The following ANKS6 variants were observed in gnomAD, a reference collection of about 807,000 sequenced individuals.
ANKS6 encodes ankyrin repeat and sterile alpha motif domain containing 6.
In ANKS6, 47 loss-of-function variants were observed where a neutral mutation model predicts 77.9. The observed-to-expected ratio is 0.60, with a 90% confidence interval of 0.48 to 0.77. The LOEUF (loss-of-function observed/expected upper bound fraction) is 0.77, where lower values mean the gene tolerates loss of function less well. ANKS6 is among the 30% of genes least tolerant of loss of function. ANKS6 has a pLI of 0.00. For synonymous variants in ANKS6, 488 were observed against 501.7 expected, an observed-to-expected ratio of 0.97 and a Z score of 0.37; for missense variants, 1,150 against 1,159.1, an observed-to-expected ratio of 0.99 and a Z score of 0.11.
rs1835177064 is a variant in ANKS6, at chr9:98,796,354, G to C, written c.138C>G (p.Gly46=). 2 of 1,131,648 alleles carry C rather than the reference G, an allele frequency of 1.8e-6. No individual in the cohort carries two copies. The highest frequency in any genetic ancestry group is 5.0e-5 in the Admixed American group (1 of 20,112). 70.1% of individuals were successfully genotyped at this position (1,131,648 alleles called of 1,614,324 possible). A position where few individuals can be genotyped will look rare whatever the true frequency, so the allele number is the denominator to read the frequency against. Residue 46 remains glycine (G), a synonymous_variant, in exon 1 of 15, where the codon GGC becomes GGG. Coordinates refer to ENST00000353234, the MANE Select transcript of ANKS6 (RefSeq NM_173551.5). ...CCACCTCGGCCCCCGCCGGCTCCGC[G>C]CCCGCCTCCGGCTCCGCGCCGCGCT... is the stretch of plus-strand genomic sequence containing the variant. The part of the protein sequence containing the change: ...PAERGAEPEA[G]AEPAGAEVAG...
At position 98,790,309 on chromosome 9, in the gene ANKS6, G is replaced by A. The variant is rs374878706; in HGVS notation, c.657C>T (p.His219=). The A allele has an allele frequency of 1.2e-5, 19 of 1,607,442 alleles. No homozygotes were observed. Among genetic ancestry groups the A allele is most frequent in the South Asian group, 5.5e-5 (5 of 90,990 alleles). The change falls in exon 2 of 15, where the codon CAC becomes CAT. Residue 219 remains histidine, a synonymous_variant. Coordinates refer to ENST00000353234, the MANE Select transcript of ANKS6 (RefSeq NM_173551.5). ...LLMEWGADPN[H]AARTVGWSPL... ...GGCTCCAGCCCACGGTCCGGGCTGC[G>A]TGGTTGGGGTCCGCGCCCCACTCCA...
rs1831950072 is a variant in ANKS6, at chr9:98,743,469, C to T, written c.2511+2090G>A. 3.3e-5 allele frequency among the ~76,000 whole-genome samples: 5 copies of T among 152,342 alleles called. No homozygotes were observed. The Middle Eastern group carries it at 0.01, about 311-fold the overall frequency. ...TCACTACAGGGCCTTTGCACATGTGCTTCCCTCTGCCTGCTCCGCACTTTT... is the reference window on the plus strand; with the variant it reads ...TCACTACAGGGCCTTTGCACATGTGTTTCCCTCTGCCTGCTCCGCACTTTT... On this transcript the variant is annotated intron_variant, in intron 14 of 14. Coordinates refer to ENST00000353234, the MANE Select transcript of ANKS6 (RefSeq NM_173551.5).
chr9:98,788,068 C>T (rs1203483300), intron 2 of ANKS6, among the ~76,000 whole-genome samples: 1 of 152,226 alleles, frequency 6.6e-6, no homozygotes, highest in Admixed American at 6.5e-5. Flanking sequence ...AGGGGCACAG[C>T]CAGCATCGAA....
chr9:98,795,023 T>G (rs1835097579), intron 1 of ANKS6, among the ~76,000 whole-genome samples: 1 of 152,148 alleles, frequency 6.6e-6, no homozygotes, highest in Non-Finnish European at 1.5e-5. Flanking sequence ...GCCTTTCTGC[T>G]GCGGAGGGAC....
chr9:98,771,109 C>T (rs1270869335), intron 9 of ANKS6, 63 bp from the exon 10 acceptor site: 58 of 1,425,120 alleles, frequency 4.1e-5, no homozygotes, highest in Non-Finnish European at 4.9e-5. Context: ...CGTGCAGGAT[C>T]ACAGTGTGGG....
At chr9:98,795,408 T>C (rs1256803556) in intron 1 of ANKS6, among the ~76,000 whole-genome samples, 1 of 152,090 alleles carries the variant, frequency 6.6e-6, no homozygotes, top group East Asian at 1.9e-4. Flanking sequence ...CCTAGCACCC[T>C]AGGATAGCTA....
intron 12 of ANKS6, among the ~76,000 whole-genome samples, chr9:98,753,652 T>C (rs1042428638): frequency 3.4e-5 from 5 of 148,412 alleles, no homozygotes; most frequent in African/African-American, 1.2e-4. Flanking sequence ...TGATTGATGG[T>C]GTTTGCCAAT....
At position 98,786,615 on chromosome 9, in the gene ANKS6, G is replaced by C. The variant is rs764541578; in HGVS notation, c.863-1739C>G. On this transcript the variant is annotated intron_variant, in intron 2 of 14. Coordinates refer to ENST00000353234, the MANE Select transcript of ANKS6 (RefSeq NM_173551.5). ...AGAATCCCAGAATTCTTCATGGAAA[G>C]TACGGACACTGCCATGGGACACAGT... Among the ~76,000 whole-genome samples the C allele has an allele frequency of 7.2e-5, 11 of 152,200 alleles. 1 individual carries two copies. The highest frequency in any genetic ancestry group is 1.5e-4 in the Non-Finnish European group (10 of 68,042).
intron 11 of ANKS6, among the ~76,000 whole-genome samples, chr9:98,764,691 T>C (rs1261237899): frequency 6.6e-6 from 1 of 152,240 alleles, no homozygotes; most frequent in Non-Finnish European, 1.5e-5. Flanking sequence ...TCCATTACTG[T>C]TTTATTTCTA....
chr9:98,769,592 G>A (rs1190233470), intron 10 of ANKS6, among the ~76,000 whole-genome samples: 1 of 152,180 alleles, frequency 6.6e-6, no homozygotes, highest in East Asian at 1.9e-4. Flanking sequence ...CTAGCAATGT[G>A]AGGAAAAAGA....
At chr9:98,782,118 T>C (rs1433738628) in intron 5 of ANKS6, among the ~76,000 whole-genome samples, 1 of 152,228 alleles carries the variant, frequency 6.6e-6, no homozygotes. Context: ...GGGGACTTTA[T>C]GTTTCCACCT....
At position 98,736,617 on chromosome 9, in the gene ANKS6, C is replaced by CG; in HGVS notation, c.2517dup (p.Glu840ArgfsTer17). On this transcript the variant is annotated frameshift_variant, in exon 15 of 15. Coordinates refer to ENST00000353234, the MANE Select transcript of ANKS6 (RefSeq NM_173551.5). LOFTEE classifies it high-confidence loss of function. ...ATGGTTTCCTGTAAAATTTGTCTCT[C>CG]GCGTCCCTGTGGAGGAAATTGAAAA... 1 of 1,608,582 alleles carries CG rather than the reference C, an allele frequency of 6.2e-7. No homozygotes were observed. Among genetic ancestry groups the CG allele is most frequent in the African/African-American group, 1.3e-5 (1 of 74,928 alleles).
chr9:98,796,516 C>G lies in ANKS6; in HGVS notation c.-25G>C, dbSNP rs1835187907. ...TCGCCGCCGCCACGCGCGGCCCGCT[C>G]CCGTCCGCCCCGCCGGCCGCGTCGG... On this transcript the variant is annotated 5_prime_UTR_variant, in exon 1 of 15. Coordinates refer to ENST00000353234, the MANE Select transcript of ANKS6 (RefSeq NM_173551.5). The G allele has an allele frequency of 1.0e-6, 1 of 983,392 alleles. No homozygotes were observed. The highest frequency in any genetic ancestry group is 1.2e-6 in the Non-Finnish European group (1 of 829,282). 60.9% of individuals were successfully genotyped at this position (983,392 alleles called of 1,614,324 possible). A position where few individuals can be genotyped will look rare whatever the true frequency, so the allele number is the denominator to read the frequency against.
chr9:98,796,121 C>G lies in ANKS6; in HGVS notation c.359+12G>C, dbSNP rs1256600431. On this transcript the variant is annotated intron_variant, in intron 1 of 14. Coordinates refer to ENST00000353234, the MANE Select transcript of ANKS6 (RefSeq NM_173551.5). ...CACTCTGGTCCCGGGCCCCCGGGCC[C>G]CGCCGCCTCACCTGGCCGCCTGCAT... The G allele has an allele frequency of 4.5e-6, 6 of 1,344,298 alleles. No individual in the cohort carries two copies. In the South Asian group the frequency reaches 1.1e-4, roughly 25 times the overall value. The allele number at this position is 1,344,298 out of a possible 1,614,324, so 83.3% of individuals were successfully genotyped here.
intron 5 of ANKS6, among the ~76,000 whole-genome samples, chr9:98,781,260 T>C (rs1032736406): frequency 6.6e-6 from 1 of 152,160 alleles, no homozygotes; most frequent in Non-Finnish European, 1.5e-5. Context: ...AAGTTTTGTG[T>C]AAACACTTCA....
chr9:98,759,447 T>A (rs113082546), intron 11 of ANKS6, among the ~76,000 whole-genome samples: 1,604 of 152,258 alleles, frequency 0.011, 23 homozygotes, highest in African/African-American at 0.037. Context: ...AAACACAGCA[T>A]CAAATCCCAC....
intron 14 of ANKS6, among the ~76,000 whole-genome samples, chr9:98,738,586 A>C (rs1157250989): frequency 3.9e-5 from 6 of 152,006 alleles, no homozygotes; most frequent in African/African-American, 1.2e-4. Flanking sequence ...TAAAATAAAA[A>C]AAAAAACAGT....
chr9:98,787,327 G>C (rs4078675), intron 2 of ANKS6, among the ~76,000 whole-genome samples: 145,850 of 151,834 alleles, frequency 0.96, 70,291 homozygotes, highest in African/African-American at 0.99. Context: ...GACACAGCAG[G>C]ATGAATTGTC....
At chr9:98,785,172 A>T (rs887669109) in intron 2 of ANKS6, among the ~76,000 whole-genome samples, 3 of 152,260 alleles carry the variant, frequency 2.0e-5, no homozygotes, top group Admixed American at 6.5e-5. Flanking sequence ...ACGTTGGCAT[A>T]TCCTTTCTTA....
Sources: gnomAD v4.1 joint callset for allele counts (sites outside exome capture counted in the v4.1 genomes callset) on GRCh38, gnomAD v4.1.1 for gene constraint, MANE v1.5 for transcripts, NCBI Gene and HGNC (gene_info 2026-07-23, HGNC 2026-07-21) for gene names.